The following SCAI variants were observed in gnomAD, a reference collection of about 807,000 sequenced individuals.
SCAI encodes suppressor of cancer cell invasion.
In SCAI, 24 loss-of-function variants were observed where a neutral mutation model predicts 92.2. The ratio of observed to expected loss-of-function variants is 0.26; its 90% confidence interval spans 0.19 to 0.37. The LOEUF (loss-of-function observed/expected upper bound fraction) is 0.37. Ranked by LOEUF, SCAI falls within the 10% of genes least tolerant of loss-of-function variation. The pLI is 1.00. For missense variants in SCAI, 450 were observed against 736.2 expected, an observed-to-expected ratio of 0.61 and a Z score of 4.50; for synonymous variants, 261 against 258.6, an observed-to-expected ratio of 1.01 and a Z score of -0.09.
At chr9:125,079,751 C>T (rs7043082) in intron 2 of SCAI, among the ~76,000 whole-genome samples, 3 of 146,120 alleles carry the variant, frequency 2.1e-5, no homozygotes, top group East Asian at 4.1e-4. Context: ...TTGGCAAACA[C>T]GTTGGTGACT....
chr9:125,123,459 G>T (rs1441733953), intron 2 of SCAI, among the ~76,000 whole-genome samples: 1 of 152,050 alleles, frequency 6.6e-6, no homozygotes, highest in Admixed American at 6.6e-5. Flanking sequence ...CTATAGTTTG[G>T]AAATTATCCT....
intron 14 of SCAI, among the ~76,000 whole-genome samples, chr9:124,983,944 C>T (rs968373297): frequency 4.6e-5 from 7 of 152,112 alleles, no homozygotes; most frequent in Non-Finnish European, 7.4e-5. Flanking sequence ...AGGAATTAAA[C>T]GTATACACAT....
intron 2 of SCAI, among the ~76,000 whole-genome samples, chr9:125,072,028 CT>C (rs56309523): frequency 5.3e-4 from 77 of 145,594 alleles, no homozygotes; most frequent in Middle Eastern, 3.6e-3. Flanking sequence ...AGTAGATAGT[CT>C]TTTTTTTTTT....
intron 17 of SCAI, among the ~76,000 whole-genome samples, chr9:124,967,149 C>T (rs1007936146): frequency 7.2e-5 from 11 of 151,980 alleles, no homozygotes; most frequent in African/African-American, 2.4e-5. Context: ...TAGGCTTAAC[C>T]CAATAAGTGT....
At chr9:124,961,757 G>C (rs779351323) in intron 17 of SCAI, among the ~76,000 whole-genome samples, 1 of 151,934 alleles carries the variant, frequency 6.6e-6, no homozygotes, top group Non-Finnish European at 1.5e-5. Flanking sequence ...AGGGGTTAGG[G>C]ATGCTGAGCC....
At chr9:124,968,371 G>A in intron 17 of SCAI, 1 of 1,188,640 alleles carries the variant, frequency 8.4e-7, no homozygotes. Flanking sequence ...TCTGCAGCGA[G>A]CACATCATGG....
intron 14 of SCAI, among the ~76,000 whole-genome samples, chr9:124,982,317 G>A (rs950917424): frequency 2.0e-5 from 3 of 152,144 alleles, no homozygotes; most frequent in Non-Finnish European, 4.4e-5. Flanking sequence ...GCTACAGAAT[G>A]AATTGGATAG....
intron 2 of SCAI, among the ~76,000 whole-genome samples, chr9:125,093,513 T>C (rs1467961560): frequency 6.6e-6 from 1 of 151,780 alleles, no homozygotes; most frequent in Non-Finnish European, 1.5e-5. Context: ...ATTCCATAGG[T>C]GACAGTGTGA....
At chr9:124,957,449 G>A (rs557032858) in intron 17 of SCAI, among the ~76,000 whole-genome samples, 14 of 150,546 alleles carry the variant, frequency 9.3e-5, no homozygotes, top group Middle Eastern at 3.4e-3. Flanking sequence ...TGCAACCTCC[G>A]CCTCCCAGGT....
chr9:125,106,939 T>C (rs1285062069), intron 2 of SCAI, among the ~76,000 whole-genome samples: 4 of 150,836 alleles, frequency 2.7e-5, no homozygotes, highest in Non-Finnish European at 5.9e-5. Flanking sequence ...GGTCTTGAAC[T>C]CCTGGGCTCA....
At chr9:124,987,905 G>A (rs976625873) in intron 14 of SCAI, among the ~76,000 whole-genome samples, 1 of 152,166 alleles carries the variant, frequency 6.6e-6, no homozygotes, top group African/African-American at 2.4e-5. Context: ...AGAGGTTGTA[G>A]TGAGCCAAGA....
chr9:124,991,377 A>C (rs1245374310), intron 14 of SCAI, among the ~76,000 whole-genome samples: 1 of 150,536 alleles, frequency 6.6e-6, no homozygotes, highest in Non-Finnish European at 1.5e-5. Context: ...AAAAAAAAAA[A>C]ATTAACGAGT....
intron 2 of SCAI, among the ~76,000 whole-genome samples, chr9:125,119,301 T>C (rs1404815558): frequency 6.6e-6 from 1 of 152,234 alleles, no homozygotes; most frequent in Non-Finnish European, 1.5e-5. Context: ...GTCACACATG[T>C]GGTCTGAATC....
intron 13 of SCAI, 50 bp downstream of exon 13, chr9:124,999,841 A>G: frequency 5.4e-6 from 5 of 926,704 alleles, no homozygotes; most frequent in Non-Finnish European, 8.4e-6. Flanking sequence ...TTTTCTATTT[A>G]TAGACAGAGG....
chr9:124,965,560 G>A (rs992773701), intron 17 of SCAI, among the ~76,000 whole-genome samples: 2 of 152,100 alleles, frequency 1.3e-5, no homozygotes, highest in African/African-American at 4.8e-5. Context: ...TAGCAACCTT[G>A]CACCTACATA....
chr9:125,016,447 A>C (rs1031401190), intron 9 of SCAI, among the ~76,000 whole-genome samples: 2 of 151,168 alleles, frequency 1.3e-5, no homozygotes, highest in Admixed American at 6.6e-5. Flanking sequence ...TAAGCAAATT[A>C]AATTCAAAAT....
chr9:124,961,870 T>C lies in SCAI; in HGVS notation c.1675-8917A>G, dbSNP rs1229705074. Among the ~76,000 whole-genome samples, 3 of 150,364 alleles carry C rather than the reference T, an allele frequency of 2.0e-5. No homozygotes were observed. The Admixed American group carries it at 2.0e-4, about 10-fold the overall frequency. ...AAATTTAACTAATAAATGTCCTTTG[T>C]GGCAGTTTTTTTTTTTTTTTTTCCA... On this transcript the variant is annotated intron_variant, in intron 17 of 17. Coordinates refer to ENST00000336505, the MANE Select transcript of SCAI (RefSeq NM_001144877.3).
intron 2 of SCAI, among the ~76,000 whole-genome samples, chr9:125,074,438 G>C (rs1834046384): frequency 6.7e-6 from 1 of 149,732 alleles, no homozygotes; most frequent in Admixed American, 6.6e-5. Context: ...TGTATTTTTA[G>C]TAGAGATGGG....
In SCAI at chr9:125,110,126, T is replaced by C. The variant is rs568245506; in HGVS notation, c.98+32507A>G. ...ATAAAAGAGTTTACAAATTTAAACA[T>C]ACGTATTATGTTGGTATGACACCAT... On this transcript the variant is annotated intron_variant, in intron 2 of 17. Transcript: ENST00000336505. 6.6e-5 allele frequency among the ~76,000 whole-genome samples: 10 copies of C among 152,340 alleles called. No individual in the cohort carries two copies. The East Asian group carries it at 1.5e-3, about 23-fold the overall frequency.
Sources: allele counts gnomAD v4.1 joint callset (sites outside exome capture counted in the v4.1 genomes callset), GRCh38; gene constraint gnomAD v4.1.1; transcripts MANE v1.5; gene names NCBI Gene and HGNC (gene_info 2026-07-23, HGNC 2026-07-21).